LAMB3: variants seen among roughly 807,000 people sequenced by gnomAD.
LAMB3 encodes the protein laminin subunit beta 3, also known as laminin subunit beta-3.
Under a neutral mutation model 140.3 loss-of-function variants are expected in LAMB3, and 104 were observed. The observed-to-expected ratio is 0.74, with a 90% CI of 0.63 to 0.87. The LOEUF (loss-of-function observed/expected upper bound fraction) is 0.87, where lower values mean the gene tolerates loss of function less well. Among genes scored for constraint, LAMB3 ranks in the 40% least tolerant of loss-of-function variants. LAMB3 has a pLI of 0.00. For missense variants in LAMB3, 1,531 were observed against 1,575.2 expected, an observed-to-expected ratio of 0.97 and a Z score of 0.47; for synonymous variants, 592 against 602.9, an observed-to-expected ratio of 0.98 and a Z score of 0.26.
At chr1:209,621,298 G>A (rs571254641) in intron 18 of LAMB3, among the ~76,000 whole-genome samples, 9 of 152,296 alleles carry the variant, frequency 5.9e-5, no homozygotes, top group East Asian at 1.9e-4. Context: ...CATCATCCAC[G>A]TTTGTGGGGC....
chr1:209,618,769 C>T, intron 18 of LAMB3, 110 bp from the exon 19 acceptor site: 2 of 1,020,714 alleles, frequency 2.0e-6, no homozygotes, highest in Non-Finnish European at 3.0e-6. Context: ...GGCCCCTCTA[C>T]CGTGGTGTCC....
chr1:209,632,998 C>A, intron 7 of LAMB3, 72 bp downstream of exon 7: 1 of 1,251,868 alleles, frequency 8.0e-7, no homozygotes, highest in Non-Finnish European at 1.2e-6. Context: ...AGGAAATTTC[C>A]ATGACCTGGG....
intron 11 of LAMB3, 74 bp downstream of exon 11, chr1:209,627,959 TGA>T: frequency 6.6e-7 from 1 of 1,514,528 alleles, no homozygotes; most frequent in Non-Finnish European, 8.9e-7. Flanking sequence ...GAGAGCACAG[TGA>T]GCAGGGCAAG....
intron 18 of LAMB3, among the ~76,000 whole-genome samples, chr1:209,620,938 C>T (rs1209111735): frequency 6.6e-6 from 1 of 152,228 alleles, no homozygotes; most frequent in Non-Finnish European, 1.5e-5. Context: ...CACCAGGACT[C>T]TGGAGACCAG....
chr1:209,628,158 C>T lies in LAMB3; in HGVS notation c.1165G>A (p.Gly389Arg). 6.4e-7 allele frequency: 1 copy of T among 1,568,144 alleles called. No individual in the cohort carries two copies. Among genetic ancestry groups the T allele is most frequent in the Non-Finnish European group, 8.7e-7 (1 of 1,155,700 alleles). ...CECDPDGAVP[G>R]APCDPVTGQC... Reference sequence around the variant, plus strand: ...CCGGTCACTGGGTCACAGGGAGCCCCTGGCACTGCCCCATCCGGATCACAC... The same window carrying T: ...CCGGTCACTGGGTCACAGGGAGCCCTTGGCACTGCCCCATCCGGATCACAC... The change falls in exon 11 of 23, where the codon GGG becomes AGG. Residue 389 changes from glycine to arginine, a missense_variant. Gly to Arg is a moderately radical substitution (Grantham distance 125). Coordinates refer to ENST00000356082, the MANE Select transcript of LAMB3 (RefSeq NM_000228.3).
In LAMB3 at chr1:209,616,471, C is replaced by T; in HGVS notation, c.3382G>A (p.Asp1128Asn). 1 of 1,614,118 alleles carries T rather than the reference C, an allele frequency of 6.2e-7. No homozygotes were observed. Among genetic ancestry groups the T allele is most frequent in the Non-Finnish European group, 8.5e-7 (1 of 1,180,000 alleles). ...CCATGCCCCTAAACCATTCCCTCACCTTTCATCCTGTCCATCATCTCCATG... is the reference window on the plus strand; with the variant it reads ...CCATGCCCCTAAACCATTCCCTCACTTTTCATCCTGTCCATCATCTCCATG... Reference protein sequence around the residue: ...ETMEMMDRMKDMELELLRGSQ... With the variant: ...ETMEMMDRMKNMELELLRGSQ... Residue 1128 changes from aspartate (D) to asparagine (N), a missense_variant and splice_region_variant, in exon 22 of 23, where the codon GAC becomes AAC. By Grantham distance (23) the Asp-to-Asn change is conservative. Transcript: ENST00000356082.
At chr1:209,650,229 A>C in intron 2 of LAMB3, 111 bp from the exon 3 acceptor site, 1 of 1,104,946 alleles carries the variant, frequency 9.1e-7, no homozygotes, top group Non-Finnish European at 1.3e-6. Context: ...CCTTTCCCTC[A>C]CTCAAGCTTC....
chr1:209,649,820 C>CG (rs2076549030), intron 3 of LAMB3, 144 bp downstream of exon 3: 1 of 908,222 alleles, frequency 1.1e-6, no homozygotes, highest in East Asian at 2.6e-5. Context: ...AGGATCTGGC[C>CG]TTATACTTTT....
rs201154610 is a variant in LAMB3 at position 209,625,969 on chromosome 1, C to T, written c.1655G>A (p.Arg552His). The change falls in exon 14 of 23, where the codon CGC becomes CAC. Residue 552 changes from arginine to histidine, a missense_variant. Coordinates refer to ENST00000356082, the MANE Select transcript of LAMB3 (RefSeq NM_000228.3). Reference sequence around the variant, plus strand: ...GGTCAAGCCAGGGCGGCAGAGGCAGCGGCCTGATGCCTTGTCGCAGCCCGG... The same window carrying T: ...GGTCAAGCCAGGGCGGCAGAGGCAGTGGCCTGATGCCTTGTCGCAGCCCGG... ...EGPGCDKASG[R>H]CLCRPGLTGP... The T allele has an allele frequency of 5.1e-5, 82 of 1,613,666 alleles. No homozygotes were observed. The highest frequency in any genetic ancestry group is 8.9e-5 in the East Asian group (4 of 44,872).
Position 209,616,551 on chromosome 1 carries a change from T to G in LAMB3, c.3302A>C (p.Gln1101Pro). The G allele has an allele frequency of 1.2e-6, 2 of 1,614,170 alleles. No homozygotes were observed. The highest frequency in any genetic ancestry group is 1.1e-5 in the South Asian group (1 of 91,082). Residue 1101 changes from glutamine (Q) to proline (P), a missense_variant, in exon 22 of 23, where the codon CAG becomes CCG. Physicochemically the swap from Gln to Pro is moderately conservative, Grantham distance 76. Coordinates refer to ENST00000356082, the MANE Select transcript of LAMB3 (RefSeq NM_000228.3). ...RLGQSSMLGEQGARIQSVKTE... is the reference protein window; with the variant it reads ...RLGQSSMLGEPGARIQSVKTE... ...CTTCACACTCTGGATCCGGGCACCC[T>G]GCTCACCCAGCATGGAACTCTGACC...
intron 3 of LAMB3, among the ~76,000 whole-genome samples, chr1:209,639,972 T>G (rs2076452885): frequency 6.6e-6 from 1 of 152,202 alleles, no homozygotes; most frequent in East Asian, 1.9e-4. Flanking sequence ...ATGGGGCCTA[T>G]GCCTTGAGTG....
chr1:209,626,724 C>A, intron 13 of LAMB3, 143 bp downstream of exon 13: 1 of 708,264 alleles, frequency 1.4e-6, no homozygotes, highest in Non-Finnish European at 2.5e-6. Flanking sequence ...GGAGTGTGTG[C>A]ACTCACAGGG....
At chr1:209,627,801 C>G (rs1666526185) in intron 11 of LAMB3, among the ~76,000 whole-genome samples, 1 of 152,242 alleles carries the variant, frequency 6.6e-6, no homozygotes. Context: ...CTGACTCAGT[C>G]CCACCTTCCA....
chr1:209,616,664 GC>G (rs1558146451), intron 21 of LAMB3, 40 bp from the exon 22 acceptor site: 1 of 1,606,208 alleles, frequency 6.2e-7, no homozygotes, highest in Non-Finnish European at 8.5e-7. Context: ...TTGTCATCAT[GC>G]AAGGTCCTAA....
At chr1:209,619,849 G>A (rs1666124368) in intron 18 of LAMB3, among the ~76,000 whole-genome samples, 1 of 152,210 alleles carries the variant, frequency 6.6e-6, no homozygotes, top group Non-Finnish European at 1.5e-5. Flanking sequence ...GGACACTCCT[G>A]GAGGGTGGAA....
chr1:209,635,429 G>A (rs1558161641), intron 5 of LAMB3, among the ~76,000 whole-genome samples: 1 of 152,152 alleles, frequency 6.6e-6, no homozygotes, highest in East Asian at 1.9e-4. Context: ...TTGAAACAGA[G>A]CCTCACTCCG....
chr1:209,638,312 A>C (rs1666958103), intron 4 of LAMB3, among the ~76,000 whole-genome samples: 1 of 152,148 alleles, frequency 6.6e-6, no homozygotes, highest in African/African-American at 2.4e-5. Context: ...AAATAAAGAC[A>C]TTCCTCTCTC....
chr1:209,628,784 C>T (rs1305961731), intron 10 of LAMB3, among the ~76,000 whole-genome samples: 3 of 152,076 alleles, frequency 2.0e-5, no homozygotes, highest in Non-Finnish European at 4.4e-5. Flanking sequence ...ACTATAGAAG[C>T]GGTTTTGTTG....
At chr1:209,651,098 G>T in intron 1 of LAMB3, 117 bp from the exon 2 acceptor site, 1 of 746,580 alleles carries the variant, frequency 1.3e-6, no homozygotes, top group East Asian at 2.6e-5. Flanking sequence ...CTAGGGTCCT[G>T]ATCTAGGACA....
Sources: allele counts gnomAD v4.1 joint callset (sites outside exome capture counted in the v4.1 genomes callset), GRCh38; gene constraint gnomAD v4.1.1; transcripts MANE v1.5; gene names NCBI Gene and HGNC (gene_info 2026-07-23, HGNC 2026-07-21).